The following BAIAP2L2 variants were observed in gnomAD, a reference collection of about 807,000 sequenced individuals.
The protein encoded by BAIAP2L2 is BAR/IMD domain-containing adapter protein 2-like 2.
A neutral mutation model predicts 60.4 loss-of-function variants in BAIAP2L2; 65 were observed. That is an observed-to-expected ratio of 1.08 (90% CI 0.88 to 1.32). BAIAP2L2 has a LOEUF of 1.32. BAIAP2L2 is among the 40% of genes most tolerant of loss of function. The pLI is 0.00. For missense variants in BAIAP2L2, 836 were observed against 741.2 expected (o/e 1.13, Z -1.48); for synonymous variants, 344 against 301.7 (o/e 1.14, Z -1.45).
rs115863423 is a variant in BAIAP2L2 at position 38,106,062 on chromosome 22, T to C, written c.276+1790A>G. Among the ~76,000 whole-genome samples the C allele has an allele frequency of 3.6e-3, 543 of 152,224 alleles. 4 individuals carry two copies. The highest frequency in any genetic ancestry group is 0.012 in the African/African-American group (505 of 41,516). ...GTGCCACAAGTGACAAGGACAGCCA[T>C]TGAACACAAGGACAGGAACCCACAG... is the stretch of plus-strand genomic sequence containing the variant. On this transcript the variant is annotated intron_variant, in intron 4 of 13. Coordinates refer to ENST00000381669, the MANE Select transcript of BAIAP2L2 (RefSeq NM_025045.6).
Position 38,097,127 on chromosome 22 carries a change from G to A in BAIAP2L2, c.517C>T (p.Gln173Ter). 6.2e-7 allele frequency: 1 copy of A among 1,614,000 alleles called. No homozygotes were observed. Among genetic ancestry groups the A allele is most frequent in the Non-Finnish European group, 8.5e-7 (1 of 1,180,032 alleles). The stretch of plus-strand genomic sequence containing the variant: ...TTCTCTTCCAATTCAGCCGCCCGCT[G>A]ACTCTCAGACACGAAGGCCTGCATC... ...AQMQAFVSES[Q>*]RAAELEEKRR... Residue 173 changes from glutamine to a stop codon, truncating the protein, a stop_gained, in exon 7 of 14, where the codon CAG becomes TAG. Coordinates refer to ENST00000381669, the MANE Select transcript of BAIAP2L2 (RefSeq NM_025045.6). LOFTEE classifies it high-confidence loss of function.
chr22:38,107,331 C>A (rs2086684264), intron 4 of BAIAP2L2, among the ~76,000 whole-genome samples: 1 of 152,122 alleles, frequency 6.6e-6, no homozygotes, highest in Non-Finnish European at 1.5e-5. Context: ...GGACAGCAGC[C>A]CCGCAGCGGG....
intron 4 of BAIAP2L2, among the ~76,000 whole-genome samples, chr22:38,102,896 A>T (rs2086593883): frequency 6.6e-6 from 1 of 151,892 alleles, no homozygotes; most frequent in Admixed American, 6.6e-5. Context: ...AAAAAAAAAA[A>T]TTAGCCCGGC....
chr22:38,089,007 T>A, intron 9 of BAIAP2L2, 43 bp from the exon 10 acceptor site: 1 of 1,463,544 alleles, frequency 6.8e-7, no homozygotes, highest in Non-Finnish European at 9.0e-7. Flanking sequence ...AGGAAGTTCT[T>A]CCTGGCGTCT....
intron 9 of BAIAP2L2, 47 bp downstream of exon 9, chr22:38,089,049 C>A (rs1420867329): frequency 7.2e-7 from 1 of 1,395,938 alleles, no homozygotes. Flanking sequence ...AGCCCCACCC[C>A]CGCGCCTCTC....
At chr22:38,087,700 T>C (rs1463980750) in intron 10 of BAIAP2L2, among the ~76,000 whole-genome samples, 1 of 152,014 alleles carries the variant, frequency 6.6e-6, no homozygotes, top group East Asian at 1.9e-4. Context: ...CGCCCAGCTA[T>C]GGACCTTCGC....
chr22:38,109,256 G>A (rs767418083), intron 1 of BAIAP2L2, 48 bp from the exon 2 acceptor site: 57 of 1,471,056 alleles, frequency 3.9e-5, no homozygotes, highest in Admixed American at 3.6e-4. Flanking sequence ...ATGGGGGAGC[G>A]AGAAGGAACC....
intron 7 of BAIAP2L2, chr22:38,094,005 A>G (rs775562739): frequency 6.6e-6 from 3 of 456,522 alleles, no homozygotes; most frequent in South Asian, 4.6e-5. Flanking sequence ...AATGTGGTGT[A>G]TCCAAGCAAT....
chr22:38,097,426 G>A (rs866257884), intron 6 of BAIAP2L2, among the ~76,000 whole-genome samples: 6 of 152,296 alleles, frequency 3.9e-5, no homozygotes, highest in Middle Eastern at 3.4e-3. Context: ...CTGAGCCTTC[G>A]CTCTGTCCCT....
At chr22:38,105,248 C>G (rs1162303783) in intron 4 of BAIAP2L2, among the ~76,000 whole-genome samples, 1 of 151,924 alleles carries the variant, frequency 6.6e-6, no homozygotes, top group Non-Finnish European at 1.5e-5. Flanking sequence ...AGCCTTCGGT[C>G]TTTCCACAAG....
In BAIAP2L2 at chr22:38,088,964, G is replaced by A. The variant is rs781592542; in HGVS notation, c.902C>T (p.Ser301Phe). 3.1e-5 allele frequency: 47 copies of A among 1,517,796 alleles called. 1 individual carries two copies. In the Admixed American group the frequency reaches 9.0e-4, roughly 29 times the overall value. The allele number at this position is 1,517,796 out of a possible 1,614,324, so 94.0% of individuals were successfully genotyped here. The stretch of plus-strand genomic sequence containing the variant: ...TTGGGCGCTGCCGCTGTAGAGCGAG[G>A]CTGTGGGCGGGAGAGCGCGGCGGCA... ...RRSLPRTPSA[S>F]SLYSGSAQSS... Residue 301 changes from serine to phenylalanine, a missense_variant and splice_region_variant, in exon 10 of 14, where the codon TCC becomes TTC. Coordinates refer to ENST00000381669, the MANE Select transcript of BAIAP2L2 (RefSeq NM_025045.6).
chr22:38,100,337 C>G (rs879835677), intron 4 of BAIAP2L2, among the ~76,000 whole-genome samples: 2 of 151,840 alleles, frequency 1.3e-5, no homozygotes, highest in Admixed American at 1.3e-4. Context: ...ACCAGCCTGG[C>G]CAACATGCTG....
In BAIAP2L2 at chr22:38,085,675, T is replaced by C. The variant is rs2086040130; in HGVS notation, c.1514+11A>G. Reference sequence around the variant, plus strand: ...CCTCCTCACTGTTTGGGCCCCCATGTGAGGACTCACCTCGGGAAGAGCTCC... The same window carrying C: ...CCTCCTCACTGTTTGGGCCCCCATGCGAGGACTCACCTCGGGAAGAGCTCC... On this transcript the variant is annotated intron_variant, in intron 13 of 13. Coordinates refer to ENST00000381669, the MANE Select transcript of BAIAP2L2 (RefSeq NM_025045.6). The C allele has an allele frequency of 1.9e-6, 3 of 1,612,978 alleles. No individual in the cohort carries two copies. The highest frequency in any genetic ancestry group is 2.5e-6 in the Non-Finnish European group (3 of 1,179,614).
chr22:38,087,731 A>G (rs989615014), intron 10 of BAIAP2L2, among the ~76,000 whole-genome samples: 1 of 151,154 alleles, frequency 6.6e-6, no homozygotes, highest in Non-Finnish European at 1.5e-5. Flanking sequence ...GAGTCCCTCC[A>G]TACATCACCT....
chr22:38,092,421 C>T (rs1024995993), intron 7 of BAIAP2L2, among the ~76,000 whole-genome samples: 1 of 152,080 alleles, frequency 6.6e-6, no homozygotes, highest in African/African-American at 2.4e-5. Flanking sequence ...TGATTACAGT[C>T]ATCCGCCACC....
chr22:38,091,651 C>A (rs898726442), intron 7 of BAIAP2L2: 13 of 151,946 alleles, frequency 8.6e-5, no homozygotes, highest in African/African-American at 3.1e-4. Context: ...AAGTATGACA[C>A]CAAACCCATA....
intron 4 of BAIAP2L2, among the ~76,000 whole-genome samples, chr22:38,104,820 G>A (rs5995536): frequency 0.45 from 68,110 of 151,344 alleles, 16,280 homozygotes; most frequent in South Asian, 0.65. Flanking sequence ...TTTTAAGAGT[G>A]AAACCAAATT....
rs533171710 is a variant in BAIAP2L2 at position 38,086,987 on chromosome 22, C to G, written c.1259+137G>C. On this transcript the variant is annotated intron_variant, in intron 11 of 13. Coordinates refer to ENST00000381669, the MANE Select transcript of BAIAP2L2 (RefSeq NM_025045.6). ...CTCCAGCCTGGGTGACAGGGTGAGA[C>G]TCTGTCTCAAAAAAAAAAAAACAAA... The G allele has an allele frequency of 1.4e-3, 1,605 of 1,167,566 alleles. 16 individuals are homozygous for G. In the African/African-American group the frequency reaches 0.025, roughly 18 times the overall value. 72.3% of individuals were successfully genotyped at this position (1,167,566 alleles called of 1,614,324 possible).
chr22:38,109,295 G>A (rs911791400), intron 1 of BAIAP2L2, 87 bp from the exon 2 acceptor site: 11 of 1,073,130 alleles, frequency 1.0e-5, no homozygotes, highest in African/African-American at 9.3e-5. Flanking sequence ...CCAGGCGTCA[G>A]GGACAGGGCA....
Sources: allele counts gnomAD v4.1 joint callset (sites outside exome capture counted in the v4.1 genomes callset), GRCh38; gene constraint gnomAD v4.1.1; transcripts MANE v1.5; gene names NCBI Gene and HGNC (gene_info 2026-07-23, HGNC 2026-07-21).